DCHS2: variants seen among roughly 807,000 people sequenced by gnomAD.
The protein encoded by DCHS2 is protocadherin-23.
In DCHS2, 142 loss-of-function variants were observed where a neutral mutation model predicts 182.4. The observed-to-expected ratio is 0.78, with a 90% confidence interval of 0.68 to 0.89. The LOEUF is 0.89. DCHS2 is among the 40% of genes least tolerant of loss of function. The probability of loss-of-function intolerance (pLI) is 0.00; values close to 1 mark genes in which losing one functional copy is unlikely to be tolerated. For synonymous variants in DCHS2, 1,740 were observed against 1,663.3 expected, an observed-to-expected ratio of 1.05 and a Z score of -1.12; for missense variants, 4,319 against 4,198.6, an observed-to-expected ratio of 1.03 and a Z score of -0.79.
intron 1 of DCHS2, among the ~76,000 whole-genome samples, chr4:154,413,784 C>T (rs1732721461): frequency 6.6e-6 from 1 of 152,188 alleles, no homozygotes; most frequent in Admixed American, 6.5e-5. Flanking sequence ...ATAACTGTGC[C>T]CTCCACTTTA....
chr4:154,474,967 G>A (rs1735626884), intron 1 of DCHS2, among the ~76,000 whole-genome samples: 1 of 151,874 alleles, frequency 6.6e-6, no homozygotes, highest in African/African-American at 2.4e-5. Context: ...GTATTTTTTA[G>A]CTTTTCCTAA....
At chr4:154,316,268 C>A (rs1432468711) in intron 9 of DCHS2, among the ~76,000 whole-genome samples, 1 of 152,204 alleles carries the variant, frequency 6.6e-6, no homozygotes, top group Non-Finnish European at 1.5e-5. Flanking sequence ...CATTAAAATT[C>A]TCTAGCCAAC....
At chr4:154,369,409 C>G (rs1023814182) in intron 2 of DCHS2, among the ~76,000 whole-genome samples, 1 of 152,190 alleles carries the variant, frequency 6.6e-6, no homozygotes, top group Admixed American at 6.5e-5. Flanking sequence ...ATTGGGAAAC[C>G]AGTTTCCCAC....
intron 13 of DCHS2, among the ~76,000 whole-genome samples, chr4:154,273,148 C>T (rs1561002441): frequency 1.3e-5 from 2 of 152,034 alleles, no homozygotes; most frequent in Admixed American, 1.3e-4. Flanking sequence ...CCTGTGTATG[C>T]GTGTTTAGGG....
chr4:154,470,668 T>C (rs1735427058), intron 1 of DCHS2, among the ~76,000 whole-genome samples: 3 of 152,166 alleles, frequency 2.0e-5, no homozygotes, highest in South Asian at 2.1e-4. Context: ...TCATAAGCTA[T>C]GTATCTCAAG....
chr4:154,326,289 TTTACTGGTTTTTC>T (rs1438202825), intron 7 of DCHS2, among the ~76,000 whole-genome samples: 3 of 152,170 alleles, frequency 2.0e-5, no homozygotes, highest in Non-Finnish European at 4.4e-5. Flanking sequence ...TTATTATTTA[TTTACTGGTTTTTC>T]TTACTGGTTT....
chr4:154,471,143 TG>T (rs1464218516), intron 1 of DCHS2, among the ~76,000 whole-genome samples: 29 of 152,330 alleles, frequency 1.9e-4, no homozygotes, highest in African/African-American at 6.7e-4. Context: ...CATTGCCATG[TG>T]GGTTCAGGAC....
intron 14 of DCHS2, chr4:154,261,973 C>T (rs1165190775): frequency 6.6e-6 from 1 of 152,124 alleles, no homozygotes; most frequent in Non-Finnish European, 1.5e-5. Context: ...GAAATGTCAC[C>T]AGAGCCCGAG....
chr4:154,277,700 A>C (rs1293802492), intron 13 of DCHS2, among the ~76,000 whole-genome samples: 1 of 152,126 alleles, frequency 6.6e-6, no homozygotes, highest in African/African-American at 2.4e-5. Flanking sequence ...GGAATAAAAC[A>C]AATCTCCAGG....
In DCHS2 at chr4:154,298,677, A is replaced by G. The variant is rs1735072750; in HGVS notation, c.5637T>C (p.Asn1879=). 2 of 1,604,988 alleles carry G rather than the reference A, an allele frequency of 1.2e-6. No homozygotes were observed. Among genetic ancestry groups the G allele is most frequent in the Middle Eastern group, 3.3e-4 (2 of 5,990 alleles). Residue 1879 remains asparagine, a synonymous_variant, in exon 13 of 20, where the codon AAT becomes AAC. Transcript: ENST00000357232. The stretch of plus-strand genomic sequence containing the variant: ...TGGTTGAGAGTTCTCCTGACATCTC[A>G]TTTATAGTAAAGCACTCATCAGTAT... ...DGNTDECFTI[N]EMSGELSTTR...
intron 4 of DCHS2, 120 bp from the exon 5 acceptor site, chr4:154,333,614 C>A: frequency 1.1e-6 from 1 of 918,524 alleles, no homozygotes; most frequent in Non-Finnish European, 1.6e-6. Flanking sequence ...AATGATGGAT[C>A]ACATATACTA....
At chr4:154,469,815 C>A (rs1735385871) in intron 1 of DCHS2, among the ~76,000 whole-genome samples, 1 of 152,218 alleles carries the variant, frequency 6.6e-6, no homozygotes, top group Non-Finnish European at 1.5e-5. Flanking sequence ...CAGTTCTCAA[C>A]TGTAACATCA....
At chr4:154,405,898 TA>T (rs1465238658) in intron 1 of DCHS2, among the ~76,000 whole-genome samples, 1 of 152,244 alleles carries the variant, frequency 6.6e-6, no homozygotes, top group Non-Finnish European at 1.5e-5. Flanking sequence ...TGATACATTG[TA>T]AATAGCCTGA....
intron 3 of DCHS2, among the ~76,000 whole-genome samples, chr4:154,346,789 C>T (rs770816082): frequency 1.6e-4 from 25 of 151,754 alleles, no homozygotes; most frequent in Non-Finnish European, 3.4e-4. Flanking sequence ...AAAAGTCTAC[C>T]CCATATTTAA....
chr4:154,302,520 G>A lies in DCHS2; in HGVS notation c.5605+2149C>T, dbSNP rs530522791. On this transcript the variant is annotated intron_variant, in intron 12 of 19. Transcript: ENST00000357232. ...GCAGACAACCCTGCCTATCTCCTGT[G>A]TGGCTCCTCTATCACCTTTGCTGTG... 2.0e-5 allele frequency among the ~76,000 whole-genome samples: 3 copies of A among 152,270 alleles called. No homozygotes were observed. The East Asian group carries it at 5.8e-4, about 29-fold the overall frequency.
At chr4:154,488,972 G>A (rs986098699) in intron 1 of DCHS2, among the ~76,000 whole-genome samples, 5 of 151,950 alleles carry the variant, frequency 3.3e-5, no homozygotes, top group Non-Finnish European at 7.4e-5. Flanking sequence ...GACATTGTCA[G>A]TTGGAAGAGG....
At chr4:154,473,626 A>G (rs1210413140) in intron 1 of DCHS2, among the ~76,000 whole-genome samples, 1 of 152,182 alleles carries the variant, frequency 6.6e-6, no homozygotes, top group Non-Finnish European at 1.5e-5. Context: ...GATCTGAGTC[A>G]CACCACCTTG....
chr4:154,412,336 T>C lies in DCHS2; in HGVS notation c.2053-34892A>G, dbSNP rs183782193. Among the ~76,000 whole-genome samples, 23 of 152,270 alleles carry C rather than the reference T, an allele frequency of 1.5e-4. No individual in the cohort carries two copies. In the East Asian group the frequency reaches 2.9e-3, roughly 19 times the overall value. On this transcript the variant is annotated intron_variant, in intron 1 of 19. Coordinates refer to ENST00000357232, the MANE Select transcript of DCHS2 (RefSeq NM_001358235.2). ...CAACAACGTTTTACCCCCATCAATT[T>C]CAGCATGTCCTCAAGCTGAGCCTTC...
At chr4:154,437,969 C>T (rs1733849761) in intron 1 of DCHS2, among the ~76,000 whole-genome samples, 1 of 151,902 alleles carries the variant, frequency 6.6e-6, no homozygotes, top group Admixed American at 6.6e-5. Flanking sequence ...CCCAGGAGTT[C>T]GAGACCAGCC....
Sources: allele counts gnomAD v4.1 joint callset (sites outside exome capture counted in the v4.1 genomes callset), GRCh38; gene constraint gnomAD v4.1.1; transcripts MANE v1.5; gene names NCBI Gene and HGNC (gene_info 2026-07-23, HGNC 2026-07-21).